Variants in ST3GAL1 observed in about 807,000 individuals in gnomAD.
The protein encoded by ST3GAL1 is ST3 beta-galactoside alpha-2,3-sialyltransferase 1.
A neutral mutation model predicts 34.1 loss-of-function variants in ST3GAL1; 16 were observed. The observed-to-expected ratio is 0.47, with a 90% CI of 0.32 to 0.71. The LOEUF is 0.71. ST3GAL1 is among the 30% of genes least tolerant of loss of function. ST3GAL1 has a pLI of 0.04. For synonymous variants in ST3GAL1, 191 were observed against 184.7 expected (o/e 1.03, Z -0.28); for missense variants, 353 against 447.4 (o/e 0.79, Z 1.90).
chr8:133,556,997 A>T lies in ST3GAL1; in HGVS notation c.-581-11071T>A, dbSNP rs951833536. Reference sequence around the variant, plus strand: ...ACATTGTGACATGGTGGAAAGGGGTATGTGACAACCCCCCAACCTGACCCT... The same window carrying T: ...ACATTGTGACATGGTGGAAAGGGGTTTGTGACAACCCCCCAACCTGACCCT... On this transcript the variant is annotated intron_variant, in intron 1 of 9. Coordinates refer to ENST00000522652, the MANE Select transcript of ST3GAL1 (RefSeq NM_173344.3). The surrounding 1 kb of genome is among the most constrained non-coding windows in gnomAD (Gnocchi z 8.9). Among the ~76,000 whole-genome samples, 2 of 152,142 alleles carry T rather than the reference A, an allele frequency of 1.3e-5. No homozygotes were observed. The highest frequency in any genetic ancestry group is 2.9e-5 in the Non-Finnish European group (2 of 68,010).
At position 133,487,224 on chromosome 8, in the gene ST3GAL1, C is replaced by A. The variant is rs575680534; in HGVS notation, c.-373-10624G>T. On this transcript the variant is annotated intron_variant, in intron 3 of 9. Transcript: ENST00000522652. ...AAAGTGCTGGGATTACAGGCATGAG[C>A]TACCACACCGTACAATCATGTTACT... 2.6e-5 allele frequency among the ~76,000 whole-genome samples: 4 copies of A among 152,218 alleles called. No homozygotes were observed. The South Asian group carries it at 8.3e-4, about 32-fold the overall frequency.
rs531882464 is a variant in ST3GAL1 at position 133,525,845 on chromosome 8, G to A, written c.-429+19929C>T. ...TGGGAGTGGTGAGATGCCAGGGAGCGGGAGCAGGCAATTACAAGCCTGCAT... is the reference window on the plus strand; with the variant it reads ...TGGGAGTGGTGAGATGCCAGGGAGCAGGAGCAGGCAATTACAAGCCTGCAT... On this transcript the variant is annotated intron_variant, in intron 2 of 9. Coordinates refer to ENST00000522652, the MANE Select transcript of ST3GAL1 (RefSeq NM_173344.3). Among the ~76,000 whole-genome samples the A allele has an allele frequency of 1.8e-3, 278 of 152,234 alleles. 2 individuals are homozygous for A. The highest frequency in any genetic ancestry group is 5.8e-3 in the African/African-American group (240 of 41,528).
chr8:133,509,407 A>G (rs1035549091), intron 2 of ST3GAL1, among the ~76,000 whole-genome samples: 39 of 152,354 alleles, frequency 2.6e-4, no homozygotes, highest in African/African-American at 8.7e-4. Flanking sequence ...ACTTGACGGG[A>G]GACTCTGAGT....
rs75755629 is a variant in ST3GAL1 at position 133,519,274 on chromosome 8, G to A, written c.-428-20085C>T. ...TGCCAAGTGTTAGCAGGCATGTGCA[G>A]ACACTCATGCCTCATGCCCTGTGAG... On this transcript the variant is annotated intron_variant, in intron 2 of 9. Coordinates refer to ENST00000522652, the MANE Select transcript of ST3GAL1 (RefSeq NM_173344.3). Among the ~76,000 whole-genome samples, 395 of 152,306 alleles carry A rather than the reference G, an allele frequency of 2.6e-3. 2 individuals are homozygous for A. Among genetic ancestry groups the A allele is most frequent in the African/African-American group, 9.2e-3 (383 of 41,550 alleles).
At chr8:133,492,180 G>A (rs1281277302) in intron 3 of ST3GAL1, among the ~76,000 whole-genome samples, 1 of 152,152 alleles carries the variant, frequency 6.6e-6, no homozygotes, top group Non-Finnish European at 1.5e-5. Flanking sequence ...GTTCTGACCA[G>A]GAGGCATTCC....
intron 2 of ST3GAL1, among the ~76,000 whole-genome samples, chr8:133,543,253 T>C (rs2131070867): frequency 6.6e-6 from 1 of 152,290 alleles, no homozygotes; most frequent in South Asian, 2.1e-4. Flanking sequence ...CCTGAACTTG[T>C]CAAAAAGGTT....
chr8:133,514,518 A>G (rs547001821), intron 2 of ST3GAL1, among the ~76,000 whole-genome samples: 1 of 152,176 alleles, frequency 6.6e-6, no homozygotes, highest in African/African-American at 2.4e-5. Flanking sequence ...CTGTGCTCCC[A>G]TCTTACAGCC....
chr8:133,491,465 C>T (rs1182728348), intron 3 of ST3GAL1, among the ~76,000 whole-genome samples: 2 of 152,176 alleles, frequency 1.3e-5, no homozygotes, highest in African/African-American at 4.8e-5. Flanking sequence ...GCATCTGTCG[C>T]TGGTTCTAAA....
chr8:133,464,721 G>T (rs554811085), intron 7 of ST3GAL1, 57 bp downstream of exon 7: 29 of 1,548,796 alleles, frequency 1.9e-5, no homozygotes, highest in Non-Finnish European at 2.4e-5. Flanking sequence ...AGGGTGGGGG[G>T]ACAGGGTGCC....
At chr8:133,491,298 C>T (rs1458318498) in intron 3 of ST3GAL1, among the ~76,000 whole-genome samples, 4 of 151,932 alleles carry the variant, frequency 2.6e-5, no homozygotes, top group South Asian at 2.1e-4. Flanking sequence ...ACATTAGAAG[C>T]GTGTAACGTG....
intron 3 of ST3GAL1, among the ~76,000 whole-genome samples, chr8:133,491,823 T>C (rs541191256): frequency 5.2e-4 from 79 of 152,216 alleles, no homozygotes; most frequent in African/African-American, 1.8e-3. Flanking sequence ...GGTGTCACGG[T>C]GTCCAGTTGG....
chr8:133,477,887 A>G (rs1816238609), intron 3 of ST3GAL1, among the ~76,000 whole-genome samples: 1 of 152,144 alleles, frequency 6.6e-6, no homozygotes, highest in African/African-American at 2.4e-5. Context: ...TAGAGTTGAA[A>G]GGAGATTGAT....
chr8:133,470,338 G>A (rs1487785862), intron 5 of ST3GAL1, among the ~76,000 whole-genome samples: 1 of 151,908 alleles, frequency 6.6e-6, no homozygotes, highest in African/African-American at 2.4e-5. Context: ...AGAATCACTT[G>A]AACCCAGGAG....
intron 3 of ST3GAL1, among the ~76,000 whole-genome samples, chr8:133,482,422 G>T (rs532547994): frequency 6.6e-6 from 1 of 152,304 alleles, no homozygotes; most frequent in South Asian, 2.1e-4. Flanking sequence ...GGCCCCAGAG[G>T]TGCCGAGGCA....
chr8:133,525,492 G>A (rs952596476), intron 2 of ST3GAL1, among the ~76,000 whole-genome samples: 1 of 152,146 alleles, frequency 6.6e-6, no homozygotes, highest in Non-Finnish European at 1.5e-5. Flanking sequence ...CTGGCCCCCA[G>A]GCTTCAGGCT....
chr8:133,539,024 G>A (rs1423243314), intron 2 of ST3GAL1, among the ~76,000 whole-genome samples: 1 of 152,132 alleles, frequency 6.6e-6, no homozygotes, highest in East Asian at 1.9e-4. Flanking sequence ...CTATGTGTGT[G>A]GGGTTGTTAC....
At chr8:133,552,551 G>C (rs538425220) in intron 1 of ST3GAL1, among the ~76,000 whole-genome samples, 1 of 152,330 alleles carries the variant, frequency 6.6e-6, no homozygotes, top group Non-Finnish European at 1.5e-5. Flanking sequence ...AGCTCAGAGA[G>C]TGGGTCCCCT....
At chr8:133,549,716 A>G (rs375911238) in intron 1 of ST3GAL1, among the ~76,000 whole-genome samples, 1 of 152,022 alleles carries the variant, frequency 6.6e-6, no homozygotes, top group African/African-American at 2.4e-5. Flanking sequence ...TAATCCTAAC[A>G]CTTTGGGAGG....
intron 6 of ST3GAL1, 59 bp downstream of exon 6, chr8:133,465,835 C>T (rs928944004): frequency 1.9e-6 from 3 of 1,554,252 alleles, no homozygotes; most frequent in Non-Finnish European, 2.6e-6. Context: ...ATGCTTCCTA[C>T]AGCTCCAAGG....
Sources: allele counts gnomAD v4.1 joint callset (sites outside exome capture counted in the v4.1 genomes callset), GRCh38; gene constraint gnomAD v4.1.1; non-coding constraint Gnocchi (gnomAD v3.1); transcripts MANE v1.5; gene names NCBI Gene and HGNC (gene_info 2026-07-23, HGNC 2026-07-21).